Variants in CCDC171 observed in about 807,000 individuals in gnomAD.
The protein encoded by CCDC171 is coiled-coil domain-containing protein 171.
CCDC171 carries 177 observed loss-of-function variants against 168.2 expected under a neutral mutation model. The observed-to-expected ratio is 1.05, with a 90% CI of 0.93 to 1.19. The LOEUF is 1.19. CCDC171 is among the 50% of genes most tolerant of loss of function. The probability of loss-of-function intolerance (pLI) is 0.00; values close to 1 mark genes in which losing one functional copy is unlikely to be tolerated. For missense variants in CCDC171, 1,991 were observed against 1,539.0 expected, an observed-to-expected ratio of 1.29 and a Z score of -4.91; for synonymous variants, 687 against 540.8, an observed-to-expected ratio of 1.27 and a Z score of -3.75.
intron 10 of CCDC171, among the ~76,000 whole-genome samples, chr9:15,687,939 C>T (rs558101809): frequency 5.1e-4 from 77 of 151,848 alleles, no homozygotes; most frequent in Admixed American, 8.5e-4. Flanking sequence ...GCCAACGTAG[C>T]GAAACCCCGT....
chr9:15,837,889 T>A (rs1399722700), intron 21 of CCDC171, among the ~76,000 whole-genome samples: 1 of 152,234 alleles, frequency 6.6e-6, no homozygotes, highest in Non-Finnish European at 1.5e-5. Flanking sequence ...TTGCCAGTGG[T>A]AACTTTGTTC....
At chr9:15,636,197 T>A (rs1386020707) in intron 7 of CCDC171, among the ~76,000 whole-genome samples, 1 of 152,096 alleles carries the variant, frequency 6.6e-6, no homozygotes, top group East Asian at 1.9e-4. Context: ...TGGAGGAAAC[T>A]GGGTATGGAG....
intron 25 of CCDC171, among the ~76,000 whole-genome samples, chr9:15,953,761 C>T (rs1829467505): frequency 1.3e-5 from 2 of 152,098 alleles, no homozygotes; most frequent in South Asian, 4.1e-4. Context: ...GTTAATTCTT[C>T]TTTAAATGTT....
intron 21 of CCDC171, among the ~76,000 whole-genome samples, chr9:15,812,628 C>G (rs2059404908): frequency 6.6e-6 from 1 of 152,104 alleles, no homozygotes; most frequent in African/African-American, 2.4e-5. Flanking sequence ...AGAAGAACCT[C>G]CCAGAAGGCA....
At chr9:15,951,270 G>A (rs10810500) in intron 25 of CCDC171, among the ~76,000 whole-genome samples, 37,981 of 138,216 alleles carry the variant, frequency 0.27, 7,007 homozygotes, top group East Asian at 0.57. Context: ...TGCACCAAGT[G>A]GACCTAATAG....
intron 11 of CCDC171, among the ~76,000 whole-genome samples, chr9:15,713,695 A>G (rs1185063797): frequency 3.9e-5 from 6 of 152,150 alleles, no homozygotes; most frequent in Non-Finnish European, 7.3e-5. Flanking sequence ...CTAAAAGTTT[A>G]CACTATGATC....
At chr9:16,097,689 A>G in the CCDC171 span, among the ~76,000 whole-genome samples, 5 of 152,132 alleles carry the variant, frequency 3.3e-5, no homozygotes, top group Non-Finnish European at 7.4e-5. Flanking sequence ...ATGTTCTGCT[A>G]GTTTTGCCAG....
At chr9:16,091,427 A>G in the CCDC171 span, among the ~76,000 whole-genome samples, 2 of 152,234 alleles carry the variant, frequency 1.3e-5, no homozygotes, top group Non-Finnish European at 2.9e-5. Flanking sequence ...CCCTTTGGCC[A>G]TACATGCTGA....
intron 18 of CCDC171, among the ~76,000 whole-genome samples, chr9:15,774,246 T>TAAAAA (rs56239417): frequency 1.6e-4 from 6 of 38,022 alleles, no homozygotes; most frequent in Non-Finnish European, 2.7e-4. Flanking sequence ...ACGCTGTCTT[T>TAAAAA]AAAAAAAAAA....
At position 15,944,825 on chromosome 9, in the gene CCDC171, TTTTCTTTCTTTTTTCTTTCTTTCTTTC is replaced by T. The variant is rs201182480; in HGVS notation, c.3753+24415_3753+24441del. 1.9e-4 allele frequency among the ~76,000 whole-genome samples: 6 copies of T among 30,934 alleles called. No homozygotes were observed. The East Asian group carries it at 5.2e-3, about 27-fold the overall frequency. 20.3% of individuals were successfully genotyped at this position (30,934 alleles called of 152,430 possible). A position where few individuals can be genotyped will look rare whatever the true frequency, so the allele number is the denominator to read the frequency against. ...AGCATGGTAGTTGGGTTAGAATTCT[TTTTCTTTCTTTTTTCTTTCTTTCTTTC>T]TTTCTTTCTTTCTTTCTTTCTTTCT... On this transcript the variant is annotated intron_variant, in intron 25 of 25. Transcript: ENST00000380701.
intron 7 of CCDC171, among the ~76,000 whole-genome samples, chr9:15,654,949 G>A (rs537909983): frequency 6.6e-4 from 100 of 152,198 alleles, no homozygotes; most frequent in African/African-American, 2.3e-3. Flanking sequence ...ACCAAACACC[G>A]CCTGTTCTCA....
At chr9:15,611,555 G>T (rs976183366) in intron 6 of CCDC171, among the ~76,000 whole-genome samples, 1 of 152,086 alleles carries the variant, frequency 6.6e-6, no homozygotes, top group Non-Finnish European at 1.5e-5. Flanking sequence ...TGCTCAGGGC[G>T]CTGTGAGGTC....
chr9:15,976,873 T>C (rs1831634980), downstream of CCDC171, among the ~76,000 whole-genome samples: 1 of 152,080 alleles, frequency 6.6e-6, no homozygotes, highest in Non-Finnish European at 1.5e-5. Flanking sequence ...ATGGTTTAAT[T>C]TAGTGAGAGA....
At chr9:15,779,419 G>A (rs2057537983) in intron 20 of CCDC171, among the ~76,000 whole-genome samples, 2 of 152,002 alleles carry the variant, frequency 1.3e-5, no homozygotes, top group South Asian at 4.1e-4. Flanking sequence ...GAGTGCAGTG[G>A]CACTATCTCA....
chr9:16,015,882 G>A lies in CCDC171; in HGVS notation n.369-4707G>A, dbSNP rs992712228. ...ACTCCTACAGTGTTTATTCTTTTAT[G>A]TCTGGCTTATTTCACTTAGCGTAAT... is the stretch of plus-strand genomic sequence containing the variant. On this transcript the variant is annotated intron_variant and non_coding_transcript_variant, in intron 3 of 9. Transcript: ENST00000486641. 3.3e-5 allele frequency among the ~76,000 whole-genome samples: 5 copies of A among 152,240 alleles called. No individual in the cohort carries two copies. In the Middle Eastern group the frequency reaches 0.01, roughly 311 times the overall value.
intron 18 of CCDC171, among the ~76,000 whole-genome samples, chr9:15,757,004 G>A (rs937577098): frequency 6.6e-6 from 1 of 152,126 alleles, no homozygotes; most frequent in African/African-American, 2.4e-5. Context: ...TCAGTCTCGG[G>A]TATGTCTTTA....
At chr9:15,672,323 T>G (rs1433538550) in intron 9 of CCDC171, among the ~76,000 whole-genome samples, 1 of 152,228 alleles carries the variant, frequency 6.6e-6, no homozygotes, top group Non-Finnish European at 1.5e-5. Flanking sequence ...TGATGATACT[T>G]TCTTTTGCTG....
chr9:15,663,419 C>G (rs1587820139), intron 8 of CCDC171, among the ~76,000 whole-genome samples: 1 of 151,900 alleles, frequency 6.6e-6, no homozygotes, highest in African/African-American at 2.4e-5. Flanking sequence ...ATCAAGAGTT[C>G]TTGCTTTATT....
intron 14 of CCDC171, among the ~76,000 whole-genome samples, chr9:15,725,551 G>C (rs2053747367): frequency 6.6e-6 from 1 of 152,074 alleles, no homozygotes; most frequent in Non-Finnish European, 1.5e-5. Context: ...CCAGGTTCAA[G>C]CGATTCTCCT....
Sources: gnomAD v4.1 joint callset for allele counts (sites outside exome capture counted in the v4.1 genomes callset) on GRCh38, gnomAD v4.1.1 for gene constraint, MANE v1.5 for transcripts, NCBI Gene and HGNC (gene_info 2026-07-23, HGNC 2026-07-21) for gene names.